The following CNTNAP5 variants were observed in gnomAD, a reference collection of about 807,000 sequenced individuals.
The protein encoded by CNTNAP5 is contactin-associated protein-like 5.
In CNTNAP5, 72 loss-of-function variants were observed where a neutral mutation model predicts 150.2. The observed-to-expected ratio is 0.48, with a 90% CI of 0.40 to 0.58. The LOEUF is 0.58. CNTNAP5 is among the 20% of genes least tolerant of loss of function. The pLI, the probability that CNTNAP5 is intolerant of heterozygous loss-of-function variation, is 0.00. For synonymous variants in CNTNAP5, 672 were observed against 619.8 expected, an observed-to-expected ratio of 1.08 and a Z score of -1.25; for missense variants, 1,636 against 1,626.2, an observed-to-expected ratio of 1.01 and a Z score of -0.10.
intron 6 of CNTNAP5, among the ~76,000 whole-genome samples, chr2:124,453,180 T>TA (rs1183274823): frequency 6.6e-6 from 1 of 151,178 alleles, no homozygotes; most frequent in African/African-American, 2.4e-5. Flanking sequence ...ATAGCACAAA[T>TA]AAAAAACAAT....
At chr2:124,504,630 A>G (rs779751303) in intron 8 of CNTNAP5, 74 bp downstream of exon 8, 528 of 1,458,300 alleles carry the variant, frequency 3.6e-4, no homozygotes, top group Non-Finnish European at 4.7e-4. Context: ...TGACAAAAAC[A>G]TACAGAATCC....
intron 13 of CNTNAP5, among the ~76,000 whole-genome samples, chr2:124,734,864 G>A (rs945875978): frequency 1.2e-4 from 19 of 152,230 alleles, no homozygotes; most frequent in African/African-American, 4.1e-4. Context: ...AGAGGGGATA[G>A]AGGCCTGAAA....
intron 1 of CNTNAP5, among the ~76,000 whole-genome samples, chr2:124,178,055 C>T (rs1685111376): frequency 6.6e-6 from 1 of 152,012 alleles, no homozygotes. Context: ...CTATGTTGGC[C>T]AGGCTGGTCT....
At chr2:124,708,352 G>T (rs556978029) in intron 13 of CNTNAP5, among the ~76,000 whole-genome samples, 1 of 152,216 alleles carries the variant, frequency 6.6e-6, no homozygotes, top group African/African-American at 2.4e-5. Context: ...AGTGCCCAGT[G>T]GAAGCTAGAG....
intron 1 of CNTNAP5, among the ~76,000 whole-genome samples, chr2:124,201,802 T>C (rs200434257): frequency 6.6e-6 from 1 of 152,336 alleles, no homozygotes; most frequent in East Asian, 1.9e-4. Flanking sequence ...ATATATAAAT[T>C]TGTTCTCAAA....
intron 10 of CNTNAP5, among the ~76,000 whole-genome samples, chr2:124,527,971 A>C (rs575407855): frequency 6.6e-6 from 1 of 152,264 alleles, no homozygotes; most frequent in African/African-American, 2.4e-5. Context: ...GAGATCAGAA[A>C]AACTCACTTT....
chr2:124,298,645 T>G (rs998014431), intron 3 of CNTNAP5, among the ~76,000 whole-genome samples: 3 of 151,174 alleles, frequency 2.0e-5, no homozygotes, highest in African/African-American at 7.3e-5. Flanking sequence ...GTTTGGGGAG[T>G]TTTTTCAGAC....
intron 13 of CNTNAP5, among the ~76,000 whole-genome samples, chr2:124,681,231 G>T (rs1384713286): frequency 2.6e-5 from 4 of 151,604 alleles, no homozygotes; most frequent in Non-Finnish European, 5.9e-5. Context: ...GCACCTGGAA[G>T]GCGGAGGTTG....
intron 21 of CNTNAP5, among the ~76,000 whole-genome samples, chr2:124,872,937 A>G (rs56271052): frequency 6.6e-6 from 1 of 152,008 alleles, no homozygotes; most frequent in Non-Finnish European, 1.5e-5. Context: ...TTGTTATTTT[A>G]TTTCTGGTGC....
At position 124,318,125 on chromosome 2, in the gene CNTNAP5, G is replaced by A. The variant is rs114738748; in HGVS notation, c.381+75732G>A. Reference sequence around the variant, plus strand: ...GGAGAGGAAAGGAGTTGCAGTCAGCGGCCACAGCACACACCAGTGGGTCCT... The same window carrying A: ...GGAGAGGAAAGGAGTTGCAGTCAGCAGCCACAGCACACACCAGTGGGTCCT... On this transcript the variant is annotated intron_variant, in intron 3 of 23. Transcript: ENST00000682447. 6.4e-3 allele frequency among the ~76,000 whole-genome samples: 976 copies of A among 152,270 alleles called. 13 individuals carry two copies. Among genetic ancestry groups the A allele is most frequent in the African/African-American group, 0.021 (891 of 41,552 alleles).
At chr2:124,057,932 T>C (rs560981380) in intron 1 of CNTNAP5, among the ~76,000 whole-genome samples, 2 of 152,194 alleles carry the variant, frequency 1.3e-5, no homozygotes, top group Admixed American at 1.3e-4. Flanking sequence ...TCAAAGTATC[T>C]CATATAACCC....
At chr2:124,315,195 A>G (rs183776278) in intron 3 of CNTNAP5, among the ~76,000 whole-genome samples, 20 of 152,216 alleles carry the variant, frequency 1.3e-4, no homozygotes, top group Admixed American at 1.3e-3. Context: ...TCCTAGCCTC[A>G]AGTGGTCCTC....
intron 11 of CNTNAP5, among the ~76,000 whole-genome samples, chr2:124,571,033 G>T (rs1489705430): frequency 6.6e-6 from 1 of 152,224 alleles, no homozygotes; most frequent in Non-Finnish European, 1.5e-5. Context: ...TCATTTCAAA[G>T]AAGTATTATG....
In CNTNAP5 at chr2:124,226,363, A is replaced by G. The variant is rs936536629; in HGVS notation, c.187+4554A>G. On this transcript the variant is annotated intron_variant, in intron 2 of 23. Coordinates refer to ENST00000682447, the MANE Select transcript of CNTNAP5 (RefSeq NM_001367498.1). ...ATTTTCCTGATGATTAGCAGTGTTG[A>G]GCATCTTTCTGTGTGCCTGTTGGCC... is the stretch of plus-strand genomic sequence containing the variant. Among the ~76,000 whole-genome samples the G allele has an allele frequency of 2.0e-5, 3 of 152,048 alleles. 1 individual carries two copies. Among genetic ancestry groups the G allele is most frequent in the Non-Finnish European group, 4.4e-5 (3 of 68,020 alleles).
intron 14 of CNTNAP5, among the ~76,000 whole-genome samples, chr2:124,755,255 T>C (rs1240918251): frequency 1.3e-5 from 2 of 152,186 alleles, no homozygotes; most frequent in East Asian, 3.9e-4. Flanking sequence ...ATCAGTTATC[T>C]GTCAAGCCTT....
chr2:124,494,267 G>A (rs1274405841), intron 7 of CNTNAP5, among the ~76,000 whole-genome samples: 1 of 152,072 alleles, frequency 6.6e-6, no homozygotes, highest in African/African-American at 2.4e-5. Flanking sequence ...CTCTCAGGCT[G>A]AGGCCAAAGG....
intron 6 of CNTNAP5, among the ~76,000 whole-genome samples, chr2:124,451,840 C>G (rs746607130): frequency 1.3e-5 from 2 of 152,030 alleles, no homozygotes; most frequent in African/African-American, 4.8e-5. Context: ...TTACTTGGAG[C>G]TCATTGAATT....
chr2:124,476,832 A>G (rs2420867), intron 7 of CNTNAP5, among the ~76,000 whole-genome samples: 3,297 of 152,126 alleles, frequency 0.022, 72 homozygotes, highest in African/African-American at 0.053. Context: ...CTCTCTTTCT[A>G]TGCTATCCTT....
intron 1 of CNTNAP5, among the ~76,000 whole-genome samples, chr2:124,210,048 A>G (rs146149148): frequency 6.6e-6 from 1 of 152,330 alleles, no homozygotes; most frequent in East Asian, 1.9e-4. Flanking sequence ...AGGGATATAT[A>G]GAAGCAAGGA....
Sources: gnomAD v4.1 joint callset for allele counts (sites outside exome capture counted in the v4.1 genomes callset) on GRCh38, gnomAD v4.1.1 for gene constraint, MANE v1.5 for transcripts, NCBI Gene and HGNC (gene_info 2026-07-23, HGNC 2026-07-21) for gene names.